SELP: variants seen among roughly 807,000 people sequenced by gnomAD.
SELP encodes the protein P-selectin.
In SELP, 92 loss-of-function variants were observed where a neutral mutation model predicts 104.1. The ratio of observed to expected loss-of-function variants is 0.88; its 90% CI spans 0.75 to 1.05. The LOEUF is 1.05. Ranked by LOEUF, SELP falls within the 50% of genes least tolerant of loss-of-function variation. The pLI is 0.00. For synonymous variants in SELP, 397 were observed against 364.5 expected (o/e 1.09, Z -1.01); for missense variants, 1,022 against 1,017.3 (o/e 1.00, Z -0.06).
intron 14 of SELP, among the ~76,000 whole-genome samples, chr1:169,592,212 G>C (rs1330184313): frequency 6.6e-6 from 1 of 152,104 alleles, no homozygotes; most frequent in African/African-American, 2.4e-5. Context: ...ACATCTCTTT[G>C]GTATTGAAGC....
chr1:169,625,070 A>G (rs1663311366), intron 1 of SELP, among the ~76,000 whole-genome samples: 2 of 151,944 alleles, frequency 1.3e-5, no homozygotes, highest in African/African-American at 2.4e-5. Flanking sequence ...TTATAGCTAA[A>G]CTTTCTTAAC....
chr1:169,590,120 TC>T (rs750690711), intron 16 of SELP, 26 bp downstream of exon 16: 1 of 1,538,954 alleles, frequency 6.5e-7, no homozygotes, highest in Non-Finnish European at 9.0e-7. Flanking sequence ...TCTATTTCCT[TC>T]AAAAATATCT....
chr1:169,615,063 G>A (rs1662739312), intron 3 of SELP, among the ~76,000 whole-genome samples: 1 of 152,184 alleles, frequency 6.6e-6, no homozygotes. Flanking sequence ...TGAATAGATA[G>A]GTTAGCAATT....
intron 15 of SELP, among the ~76,000 whole-genome samples, chr1:169,590,565 G>GT (rs1242052227): frequency 9.3e-6 from 1 of 107,072 alleles, no homozygotes; most frequent in Non-Finnish European, 1.8e-5. Flanking sequence ...CCCTAGGGGT[G>GT]TTTTTTGATT....
At chr1:169,599,027 T>G (rs1398597287) in intron 10 of SELP, among the ~76,000 whole-genome samples, 1 of 152,188 alleles carries the variant, frequency 6.6e-6, no homozygotes, top group Non-Finnish European at 1.5e-5. Context: ...AGGTTACATA[T>G]CCAGACTTTC....
chr1:169,619,140 G>C lies in SELP; in HGVS notation c.83C>G (p.Ala28Gly), dbSNP rs1370255096. The change falls in exon 2 of 17, where the codon GCC becomes GGC. Residue 28 changes from alanine to glycine, a missense_variant. By Grantham distance (60) the Ala-to-Gly change is moderately conservative. Transcript: ENST00000263686. Reference protein sequence around the residue: ...FGISQLLCFSALISELTNQKE... With the variant: ...FGISQLLCFSGLISELTNQKE... The stretch of plus-strand genomic sequence containing the variant: ...AGCATAAAGTTTACCAGAGATCAGG[G>C]CACTGAAGCAAAGGAGTTGGGAAAT... The C allele has an allele frequency of 8.7e-6, 14 of 1,612,796 alleles. No individual in the cohort carries two copies. The Admixed American group carries it at 2.3e-4, about 27-fold the overall frequency.
chr1:169,595,862 A>G, intron 12 of SELP, 63 bp downstream of exon 12: 1 of 1,474,086 alleles, frequency 6.8e-7, no homozygotes, highest in Non-Finnish European at 9.4e-7. Flanking sequence ...ATACAGGCAC[A>G]ATGGCTAGCT....
At position 169,612,923 on chromosome 1, in the gene SELP, A is replaced by T; in HGVS notation, c.775+6T>A. 6.3e-7 allele frequency: 1 copy of T among 1,593,892 alleles called. No homozygotes were observed. The highest frequency in any genetic ancestry group is 8.6e-7 in the Non-Finnish European group (1 of 1,167,602). On this transcript the variant is annotated splice_donor_region_variant and intron_variant, in intron 5 of 16. Coordinates refer to ENST00000263686, the MANE Select transcript of SELP (RefSeq NM_003005.4). The stretch of plus-strand genomic sequence containing the variant: ...AGTGAGGATGAAAAGAATAAGGTCT[A>T]CATACCTAAACACTGTGGAGGCTTA...
intron 14 of SELP, among the ~76,000 whole-genome samples, chr1:169,592,616 G>A (rs1445548806): frequency 1.3e-5 from 2 of 152,140 alleles, no homozygotes; most frequent in Non-Finnish European, 2.9e-5. Context: ...TTAAGAGATG[G>A]GATGTTCCCA....
chr1:169,602,360 C>T (rs1321435066), intron 10 of SELP, among the ~76,000 whole-genome samples: 1 of 152,052 alleles, frequency 6.6e-6, no homozygotes, highest in East Asian at 1.9e-4. Context: ...TTTAGTAATG[C>T]TCAGTTGAAG....
At chr1:169,623,972 G>A (rs763711275) in intron 1 of SELP, among the ~76,000 whole-genome samples, 25 of 152,118 alleles carry the variant, frequency 1.6e-4, no homozygotes, top group Non-Finnish European at 3.7e-4. Context: ...TAAAAGCCGT[G>A]GTCAGATTTC....
At chr1:169,613,843 T>C (rs929791078) in intron 3 of SELP, 150 bp from the exon 4 acceptor site, 1 of 640,950 alleles carries the variant, frequency 1.6e-6, no homozygotes, top group Non-Finnish European at 2.8e-6. Context: ...AGAGCCAACC[T>C]GTCCCTTGTG....
chr1:169,604,171 T>G (rs904810161), intron 9 of SELP, among the ~76,000 whole-genome samples: 2 of 152,034 alleles, frequency 1.3e-5, no homozygotes, highest in Admixed American at 6.6e-5. Context: ...TATCTCATTG[T>G]GGTTTTGATT....
chr1:169,611,445 A>C, intron 7 of SELP, 47 bp downstream of exon 7: 1 of 1,591,916 alleles, frequency 6.3e-7, no homozygotes. Context: ...CTACCATGCC[A>C]TGATTCCTTC....
intron 4 of SELP, 109 bp downstream of exon 4, chr1:169,613,477 G>T: frequency 1.3e-6 from 1 of 795,960 alleles, no homozygotes; most frequent in Non-Finnish European, 2.1e-6. Context: ...GATAGAGGGG[G>T]GCTGGTACCA....
At position 169,628,062 on chromosome 1, in the gene SELP, G is replaced by A. The variant is rs545602908; in HGVS notation, c.3+2010C>T. ...AGGCACATGCCAACATGCCCAGCCA[G>A]TTTTTGTAAGTTTAGTAAATATGGT... On this transcript the variant is annotated intron_variant, in intron 1 of 16. Transcript: ENST00000263686. Among the ~76,000 whole-genome samples, 6 of 152,228 alleles carry A rather than the reference G, an allele frequency of 3.9e-5. No individual in the cohort carries two copies. In the South Asian group the frequency reaches 1.0e-3, roughly 26 times the overall value.
At chr1:169,594,575 G>T in intron 13 of SELP, 117 bp downstream of exon 13, 2 of 935,472 alleles carry the variant, frequency 2.1e-6, no homozygotes, top group Non-Finnish European at 3.3e-6. Flanking sequence ...CACTTATTAA[G>T]CAGGGGGAAA....
chr1:169,617,087 G>T lies in SELP; in HGVS notation c.422C>A (p.Ala141Asp). Residue 141 changes from alanine (A) to aspartate (D), a missense_variant, in exon 3 of 17, where the codon GCC becomes GAC. By Grantham distance (126) the Ala-to-Asp change is moderately radical. Coordinates refer to ENST00000263686, the MANE Select transcript of SELP (RefSeq NM_003005.4). ...GTGCTCATCATTCCACTTGCCAGGG[G>T]CTGACGGACTCTTGATGTATATCTC... is the stretch of plus-strand genomic sequence containing the variant. Reference protein sequence around the residue: ...CVEIYIKSPSAPGKWNDEHCL... With the variant: ...CVEIYIKSPSDPGKWNDEHCL... 6.2e-7 allele frequency: 1 copy of T among 1,613,856 alleles called. No homozygotes were observed. Among genetic ancestry groups the T allele is most frequent in the South Asian group, 1.1e-5 (1 of 91,052 alleles).
intron 9 of SELP, among the ~76,000 whole-genome samples, chr1:169,603,510 G>A (rs571869720): frequency 6.6e-6 from 1 of 152,238 alleles, no homozygotes; most frequent in South Asian, 2.1e-4. Context: ...GATTTTTAAA[G>A]GAAGCTGGTG....
Sources: gnomAD v4.1 joint callset for allele counts (sites outside exome capture counted in the v4.1 genomes callset) on GRCh38, gnomAD v4.1.1 for gene constraint, MANE v1.5 for transcripts, NCBI Gene and HGNC (gene_info 2026-07-23, HGNC 2026-07-21) for gene names.